CSMD1: variants seen among roughly 807,000 people sequenced by gnomAD.
CSMD1 encodes CUB and Sushi multiple domains 1.
In CSMD1, 213 loss-of-function variants were observed where a neutral mutation model predicts 417.5. That is an observed-to-expected ratio of 0.51 (90% CI 0.46 to 0.57). The LOEUF (loss-of-function observed/expected upper bound fraction) is 0.57, where lower values mean the gene tolerates loss of function less well. Ranked by LOEUF, CSMD1 falls within the 20% of genes least tolerant of loss-of-function variation. CSMD1 has a pLI of 0.00. For missense variants in CSMD1, 6,923 were observed against 4,529.7 expected (o/e 1.53, Z -15.17); for synonymous variants, 2,862 against 1,736.8 (o/e 1.65, Z -16.11).
At chr8:4,233,628 T>G (rs189974179) in intron 3 of CSMD1, among the ~76,000 whole-genome samples, 17 of 152,286 alleles carry the variant, frequency 1.1e-4, no homozygotes, top group Non-Finnish European at 1.9e-4. Flanking sequence ...GATCTTGGAC[T>G]GCCCAGATGC....
chr8:4,628,195 A>G (rs1200056244), intron 2 of CSMD1, among the ~76,000 whole-genome samples: 1 of 151,416 alleles, frequency 6.6e-6, no homozygotes, highest in South Asian at 2.1e-4. Flanking sequence ...TTGCAGTTCT[A>G]TGTTAACATT....
At chr8:3,603,836 A>C (rs1801477839) in intron 8 of CSMD1, among the ~76,000 whole-genome samples, 2 of 152,204 alleles carry the variant, frequency 1.3e-5, no homozygotes, top group Non-Finnish European at 2.9e-5. Flanking sequence ...AATGATGTCC[A>C]TACTTTCTAC....
chr8:3,935,955 G>C (rs761982851), intron 5 of CSMD1, among the ~76,000 whole-genome samples: 1 of 152,074 alleles, frequency 6.6e-6, no homozygotes, highest in Non-Finnish European at 1.5e-5. Context: ...TGAATGCAAA[G>C]GAAAAGTTCT....
At chr8:3,018,873 T>A (rs1809104131) in intron 51 of CSMD1, among the ~76,000 whole-genome samples, 1 of 152,162 alleles carries the variant, frequency 6.6e-6, no homozygotes, top group African/African-American at 2.4e-5. Context: ...CCTAAAAGCT[T>A]AACGTGGATT....
chr8:4,316,272 T>C (rs1282363544), intron 3 of CSMD1, among the ~76,000 whole-genome samples: 2 of 152,172 alleles, frequency 1.3e-5, no homozygotes. Flanking sequence ...AATCTGAATT[T>C]GTTGTGATCT....
chr8:4,561,264 C>T (rs1472754787), intron 2 of CSMD1, among the ~76,000 whole-genome samples: 3 of 152,140 alleles, frequency 2.0e-5, no homozygotes, highest in African/African-American at 4.8e-5. Flanking sequence ...ATCCCAGCTA[C>T]CTGGGAGGCT....
At chr8:4,143,034 C>A (rs1289615530) in intron 3 of CSMD1, among the ~76,000 whole-genome samples, 1 of 150,164 alleles carries the variant, frequency 6.7e-6, no homozygotes, top group Non-Finnish European at 1.5e-5. Context: ...GTGTCCAATT[C>A]CAACCCAATC....
At chr8:3,660,320 C>A (rs1024616408) in intron 7 of CSMD1, among the ~76,000 whole-genome samples, 18 of 151,988 alleles carry the variant, frequency 1.2e-4, no homozygotes, top group African/African-American at 3.6e-4. Flanking sequence ...CTGTGTCCAC[C>A]TTACAGGATT....
chr8:4,120,737 G>A (rs940087170), intron 3 of CSMD1, among the ~76,000 whole-genome samples: 3 of 152,168 alleles, frequency 2.0e-5, no homozygotes, highest in African/African-American at 7.2e-5. Context: ...GAGAATGTCA[G>A]GCTCAGAATG....
intron 3 of CSMD1, among the ~76,000 whole-genome samples, chr8:4,284,628 C>G (rs1036008829): frequency 1.1e-4 from 17 of 152,094 alleles, no homozygotes; most frequent in South Asian, 2.1e-4. Context: ...CTCACAGCAA[C>G]TGTTCTCCAA....
chr8:3,319,301 G>A (rs1198490443), intron 23 of CSMD1, among the ~76,000 whole-genome samples: 1 of 152,008 alleles, frequency 6.6e-6, no homozygotes, highest in Non-Finnish European at 1.5e-5. Context: ...TTAACCACAG[G>A]GATTAGAACC....
chr8:3,161,019 A>C (rs966584207), intron 38 of CSMD1, among the ~76,000 whole-genome samples: 4 of 152,222 alleles, frequency 2.6e-5, no homozygotes, highest in African/African-American at 9.6e-5. Flanking sequence ...TTTTCCTTTA[A>C]AACCTATCAG....
At chr8:3,278,798 C>T (rs1357012946) in intron 26 of CSMD1, 1 of 152,054 alleles carries the variant, frequency 6.6e-6, no homozygotes, top group Non-Finnish European at 1.5e-5. Context: ...AGTTTCCCAC[C>T]TTTGGTTTGG....
chr8:3,956,929 T>C (rs1446865481), intron 5 of CSMD1, among the ~76,000 whole-genome samples: 1 of 152,220 alleles, frequency 6.6e-6, no homozygotes, highest in Admixed American at 6.5e-5. Context: ...GCTATTTTCA[T>C]ATCTAAAAAG....
intron 20 of CSMD1, among the ~76,000 whole-genome samples, chr8:3,362,621 G>C (rs145648051): frequency 1.3e-5 from 2 of 152,106 alleles, no homozygotes; most frequent in Admixed American, 1.3e-4. Context: ...CCTGTTATAT[G>C]AACTGAAGAC....
At chr8:4,634,630 C>T (rs1802719115) in intron 2 of CSMD1, among the ~76,000 whole-genome samples, 1 of 152,190 alleles carries the variant, frequency 6.6e-6, no homozygotes, top group Non-Finnish European at 1.5e-5. Context: ...AATTCTAGAG[C>T]TGCCTTAAGG....
intron 2 of CSMD1, among the ~76,000 whole-genome samples, chr8:4,428,720 ATTAT>A (rs938586502): frequency 5.3e-5 from 8 of 151,904 alleles, no homozygotes; most frequent in Non-Finnish European, 8.8e-5. Flanking sequence ...TATTTTGTGT[ATTAT>A]TTATTTATTT....
chr8:3,508,028 A>T lies in CSMD1; in HGVS notation c.1345-14302T>A, dbSNP rs868298125. On this transcript the variant is annotated intron_variant, in intron 10 of 69. Coordinates refer to ENST00000635120, the MANE Select transcript of CSMD1 (RefSeq NM_033225.6). ...TGAGTTTTATTAGATCCCATTTGTC[A>T]ATTTTGGCTTTTGTTGCCATTGCTT... Among the ~76,000 whole-genome samples, 25 of 152,050 alleles carry T rather than the reference A, an allele frequency of 1.6e-4. No homozygotes were observed. In the Middle Eastern group the frequency reaches 0.014, roughly 83 times the overall value.
At chr8:4,221,199 C>T (rs1801010543) in intron 3 of CSMD1, among the ~76,000 whole-genome samples, 1 of 152,166 alleles carries the variant, frequency 6.6e-6, no homozygotes, top group Admixed American at 6.5e-5. Context: ...GCTTTAGTCT[C>T]TGCCCCATAA....
Sources: allele counts gnomAD v4.1 joint callset (sites outside exome capture counted in the v4.1 genomes callset), GRCh38; gene constraint gnomAD v4.1.1; transcripts MANE v1.5; gene names NCBI Gene and HGNC (gene_info 2026-07-23, HGNC 2026-07-21).